Variants in TMEM143 observed in about 807,000 individuals in gnomAD.
TMEM143 encodes the protein transmembrane protein 143.
A neutral mutation model predicts 40.3 loss-of-function variants in TMEM143; 45 were observed. The ratio of observed to expected loss-of-function variants is 1.12; its 90% CI spans 0.88 to 1.43. The LOEUF is 1.43. Ranked by LOEUF, TMEM143 falls within the 40% of genes most tolerant of loss-of-function variation. TMEM143 has a pLI of 0.00. For missense variants in TMEM143, 620 were observed against 613.4 expected, an observed-to-expected ratio of 1.01 and a Z score of -0.11; for synonymous variants, 299 against 282.7, an observed-to-expected ratio of 1.06 and a Z score of -0.58.
chr19:48,333,089 A>T lies in TMEM143; in HGVS notation c.*130T>A. 1.4e-6 allele frequency: 1 copy of T among 737,060 alleles called. No individual in the cohort carries two copies. The highest frequency in any genetic ancestry group is 2.0e-6 in the Non-Finnish European group (1 of 500,986). The allele number at this position is 737,060 out of a possible 1,614,324, so 45.7% of individuals were successfully genotyped here. A position where few individuals can be genotyped will look rare whatever the true frequency, so the allele number is the denominator to read the frequency against. On this transcript the variant is annotated 3_prime_UTR_variant, in exon 8 of 8. Transcript: ENST00000293261. This position sits in a 1 kb window ranked among gnomAD's most constrained non-coding sequence, Gnocchi z 4.1. ...GCTGCTTTGCTTAAGCACACAGTGC[A>T]GCAAAAATAATCACCTGTCAGTTAT...
Position 48,334,078 on chromosome 19 carries a change from G to T in TMEM143, c.1095C>A (p.His365Gln). 1.3e-6 allele frequency: 2 copies of T among 1,587,534 alleles called. No individual in the cohort carries two copies. Among genetic ancestry groups the T allele is most frequent in the Non-Finnish European group, 1.7e-6 (2 of 1,168,436 alleles). Residue 365 changes from histidine (H) to glutamine (Q), a missense_variant, in exon 7 of 8, where the codon CAC (histidine) becomes CAA (glutamine). By Grantham distance (24) the His-to-Gln change is conservative (BLOSUM62 0). Transcript: ENST00000293261. ...SALALRAQDE[H>Q]TKEALLAHSF... ...TGTGAGCCAGCAGCGCCTCCTTGGT[G>T]TGCTCGTCCTGCGCGCGCAGGGCCA... is the stretch of plus-strand genomic sequence containing the variant.
At chr19:48,340,368 A>ACCCG (rs988938612) in intron 6 of TMEM143, among the ~76,000 whole-genome samples, 1 of 145,730 alleles carries the variant, frequency 6.9e-6, no homozygotes, top group African/African-American at 2.6e-5. Context: ...CTCGTGATCC[A>ACCCG]CCCGCCTCGG....
intron 6 of TMEM143, among the ~76,000 whole-genome samples, chr19:48,334,416 C>CTT (rs1229512928): frequency 7.4e-5 from 8 of 108,268 alleles, no homozygotes; most frequent in South Asian, 3.0e-4. Flanking sequence ...TTCTTTTTCT[C>CTT]TCTTTCTTTC....
chr19:48,348,743 A>G (rs1161877556), intron 3 of TMEM143, among the ~76,000 whole-genome samples: 1 of 152,142 alleles, frequency 6.6e-6, no homozygotes, highest in African/African-American at 2.4e-5. Flanking sequence ...CCAGAATGAC[A>G]CATTTGACCA....
chr19:48,359,875 A>G (rs1186721833), intron 3 of TMEM143, 197 bp downstream of exon 3: 2 of 565,322 alleles, frequency 3.5e-6, no homozygotes, highest in Non-Finnish European at 6.2e-6. Context: ...CAGGCATCAT[A>G]TTTTATATTT....
intron 3 of TMEM143, among the ~76,000 whole-genome samples, chr19:48,353,721 T>A (rs572445348): frequency 1.3e-5 from 2 of 151,512 alleles, no homozygotes; most frequent in South Asian, 4.2e-4. Context: ...AAGATACAGA[T>A]GAGATCATAC....
chr19:48,345,933 C>G (rs1326189789), intron 3 of TMEM143, among the ~76,000 whole-genome samples: 2 of 143,288 alleles, frequency 1.4e-5, no homozygotes, highest in South Asian at 4.4e-4. Context: ...TACAGATGCA[C>G]GCCACCATGC....
At chr19:48,358,280 G>A (rs1232341949) in intron 3 of TMEM143, among the ~76,000 whole-genome samples, 1 of 151,342 alleles carries the variant, frequency 6.6e-6, no homozygotes, top group African/African-American at 2.4e-5. Context: ...GCTATTCGGG[G>A]GACTGAGGCA....
Position 48,360,310 on chromosome 19 carries a change from G to A in TMEM143, c.265-134C>T, listed in dbSNP as rs1600928583. 6.0e-6 allele frequency: 5 copies of A among 835,750 alleles called. No homozygotes were observed. The East Asian group carries it at 8.2e-5, about 14-fold the overall frequency. 51.8% of individuals were successfully genotyped at this position (835,750 alleles called of 1,614,324 possible). On this transcript the variant is annotated intron_variant, in intron 2 of 7. Transcript: ENST00000293261. ...GTTTTGTTCTGGGGCTGGGCGCAGT[G>A]TCTCGCACCTGTAATCCCAGCACTT...
At chr19:48,347,818 C>T (rs151119196) in intron 3 of TMEM143, among the ~76,000 whole-genome samples, 2,039 of 150,320 alleles carry the variant, frequency 0.014, 49 homozygotes, top group African/African-American at 0.047. Flanking sequence ...GGCCTCCCAA[C>T]GAGCTGGGAT....
intron 3 of TMEM143, among the ~76,000 whole-genome samples, chr19:48,359,492 C>T (rs1450982813): frequency 6.7e-6 from 1 of 149,582 alleles, no homozygotes. Context: ...GAAACAGGCC[C>T]CATCTCACCC....
chr19:48,360,117 G>A lies in TMEM143; in HGVS notation c.324C>T (p.Asp108=). Residue 108 remains aspartate (D), a synonymous_variant, in exon 3 of 8, where the codon GAC becomes GAT. Transcript: ENST00000293261. ...GGTGGTAGTGGAACAGGGTGCAGAAGTCCACGTGGGCCGAGAACGCCTCCA... is the reference window on the plus strand; with the variant it reads ...GGTGGTAGTGGAACAGGGTGCAGAAATCCACGTGGGCCGAGAACGCCTCCA... ...AALEAFSAHV[D]FCTLFHYHQI... 1 of 1,614,164 alleles carries A rather than the reference G, an allele frequency of 6.2e-7. No homozygotes were observed. The highest frequency in any genetic ancestry group is 2.2e-5 in the East Asian group (1 of 44,884).
At chr19:48,343,156 A>T in intron 5 of TMEM143, 165 bp downstream of exon 5, 1 of 899,876 alleles carries the variant, frequency 1.1e-6, no homozygotes, top group Non-Finnish European at 1.6e-6. Context: ...TGTAGTACTC[A>T]CTTTCCCTTG....
chr19:48,349,674 A>C (rs997197791), intron 3 of TMEM143, among the ~76,000 whole-genome samples: 15 of 151,762 alleles, frequency 9.9e-5, no homozygotes, highest in Non-Finnish European at 1.9e-4. Flanking sequence ...AAAAAGCAGC[A>C]GCCTTCCTCT....
At chr19:48,356,661 G>A (rs1280887856) in intron 3 of TMEM143, among the ~76,000 whole-genome samples, 4 of 146,642 alleles carry the variant, frequency 2.7e-5, no homozygotes, top group South Asian at 2.2e-4. Context: ...GCAATGGTGC[G>A]ATCTTGGCTC....
chr19:48,334,307 G>C, intron 6 of TMEM143, 110 bp from the exon 7 acceptor site: 1 of 1,184,752 alleles, frequency 8.4e-7, no homozygotes, highest in Non-Finnish European at 1.2e-6. Context: ...CTCCCCTGAG[G>C]AGGCGGGGAG....
chr19:48,340,869 G>T (rs1969471843), intron 6 of TMEM143, among the ~76,000 whole-genome samples: 1 of 152,218 alleles, frequency 6.6e-6, no homozygotes, highest in South Asian at 2.1e-4. Flanking sequence ...AGCCCCATGA[G>T]ATACGCCAGG....
At chr19:48,342,996 C>T (rs182348223) in intron 5 of TMEM143, 187 bp from the exon 6 acceptor site, 2 of 748,820 alleles carry the variant, frequency 2.7e-6, no homozygotes, top group East Asian at 2.7e-5. Context: ...ATCGCGCCAT[C>T]GATCCCTGGT....
At chr19:48,334,426 C>CTT (rs1350478734) in intron 6 of TMEM143, among the ~76,000 whole-genome samples, 1 of 49,924 alleles carries the variant, frequency 2.0e-5, no homozygotes, top group East Asian at 5.8e-4. Context: ...CTCTTTCTTT[C>CTT]TTTCTTTCTT....
Sources: gnomAD v4.1 joint callset for allele counts (sites outside exome capture counted in the v4.1 genomes callset) on GRCh38, gnomAD v4.1.1 for gene constraint, Gnocchi (gnomAD v3.1) non-coding constraint, MANE v1.5 for transcripts, NCBI Gene and HGNC (gene_info 2026-07-23, HGNC 2026-07-21) for gene names.